The following ASIC2 variants were observed in gnomAD, a reference collection of about 807,000 sequenced individuals.
ASIC2 encodes acid-sensing ion channel 2.
A neutral mutation model predicts 57.3 loss-of-function variants in ASIC2; 25 were observed. The ratio of observed to expected loss-of-function variants is 0.44; its 90% CI spans 0.32 to 0.61. The LOEUF is 0.61. Ranked by LOEUF, ASIC2 falls within the 20% of genes least tolerant of loss-of-function variation. The probability of loss-of-function intolerance (pLI) is 0.06; values close to 1 mark genes in which losing one functional copy is unlikely to be tolerated. For missense variants in ASIC2, 641 were observed against 738.1 expected, an observed-to-expected ratio of 0.87 and a Z score of 1.52; for synonymous variants, 319 against 307.5, an observed-to-expected ratio of 1.04 and a Z score of -0.39.
At chr17:33,713,997 T>G (rs1909133167) in intron 1 of ASIC2, among the ~76,000 whole-genome samples, 1 of 152,092 alleles carries the variant, frequency 6.6e-6, no homozygotes, top group Non-Finnish European at 1.5e-5. Context: ...AGATTGTGTC[T>G]CACTAAAGTA....
intron 1 of ASIC2, among the ~76,000 whole-genome samples, chr17:33,953,022 A>G (rs755102144): frequency 2.8e-4 from 43 of 152,236 alleles, no homozygotes; most frequent in Non-Finnish European, 1.2e-4. Flanking sequence ...TGACTATCAT[A>G]TATTATTTTA....
intron 1 of ASIC2, among the ~76,000 whole-genome samples, chr17:33,602,936 G>T (rs931248683): frequency 1.3e-5 from 2 of 152,112 alleles, no homozygotes; most frequent in Non-Finnish European, 2.9e-5. Flanking sequence ...TAGAATCCTC[G>T]CAGGGGCTCT....
intron 1 of ASIC2, among the ~76,000 whole-genome samples, chr17:33,919,233 T>C (rs1358998478): frequency 6.6e-6 from 1 of 152,156 alleles, no homozygotes; most frequent in African/African-American, 2.4e-5. Flanking sequence ...GGTGTCTGCC[T>C]GGCCTATGAT....
chr17:33,107,029 T>G (rs1398482470), intron 2 of ASIC2, among the ~76,000 whole-genome samples: 2 of 152,228 alleles, frequency 1.3e-5, no homozygotes, highest in Non-Finnish European at 2.9e-5. Flanking sequence ...CCTTGGATTC[T>G]GAGAACAATA....
At chr17:33,059,379 A>G (rs1213254886) in intron 3 of ASIC2, among the ~76,000 whole-genome samples, 1 of 152,052 alleles carries the variant, frequency 6.6e-6, no homozygotes, top group Non-Finnish European at 1.5e-5. Flanking sequence ...TCATTATTCA[A>G]TTCCCACCTA....
chr17:33,398,850 C>G (rs569910411), intron 1 of ASIC2, among the ~76,000 whole-genome samples: 1 of 152,152 alleles, frequency 6.6e-6, no homozygotes, highest in African/African-American at 2.4e-5. Context: ...CAACTCAAGT[C>G]TTATTGTCCA....
intron 3 of ASIC2, among the ~76,000 whole-genome samples, chr17:33,044,105 G>A (rs1354687780): frequency 2.0e-5 from 3 of 152,102 alleles, no homozygotes; most frequent in Admixed American, 6.6e-5. Flanking sequence ...ATTCTAACAC[G>A]ACTTTTATCT....
In ASIC2 at chr17:33,827,337, C is replaced by CTT. The variant is rs375695905; in HGVS notation, c.555+328639_555+328640dup. Among the ~76,000 whole-genome samples, 10 of 76,534 alleles carry CTT rather than the reference C, an allele frequency of 1.3e-4. 1 individual carries two copies. Among genetic ancestry groups the CTT allele is most frequent in the African/African-American group, 4.5e-4 (9 of 20,122 alleles). 50.2% of individuals were successfully genotyped at this position (76,534 alleles called of 152,430 possible). The stretch of plus-strand genomic sequence containing the variant: ...GGACTAGGTCCTGTTGCAGCTCACT[C>CTT]TTTTTTTTTTTTGAGACAGAGTCTT... On this transcript the variant is annotated intron_variant, in intron 1 of 9. Transcript: ENST00000359872.
chr17:33,352,448 G>T (rs1908223550), intron 1 of ASIC2, among the ~76,000 whole-genome samples: 1 of 152,194 alleles, frequency 6.6e-6, no homozygotes, highest in Admixed American at 6.5e-5. Flanking sequence ...TCTTACTAAT[G>T]ATGAGGCCTG....
intron 1 of ASIC2, among the ~76,000 whole-genome samples, chr17:33,816,170 A>AGG (rs35521850): frequency 1.4e-3 from 174 of 120,088 alleles, no homozygotes; most frequent in Middle Eastern, 8.2e-3. Context: ...CACCAACTGA[A>AGG]GGGGGGGCGG....
chr17:33,137,288 C>T (rs574229384), intron 1 of ASIC2, among the ~76,000 whole-genome samples: 4 of 152,328 alleles, frequency 2.6e-5, no homozygotes, highest in South Asian at 2.1e-4. Flanking sequence ...TTATTTCTTA[C>T]AGAACTTATC....
At chr17:33,957,562 C>T (rs1162582969) in intron 1 of ASIC2, among the ~76,000 whole-genome samples, 2 of 152,062 alleles carry the variant, frequency 1.3e-5, no homozygotes, top group Non-Finnish European at 2.9e-5. Flanking sequence ...GGAACTGCCC[C>T]TTATAAAACC....
intron 1 of ASIC2, chr17:33,980,925 TC>T (rs1288978486): frequency 6.8e-6 from 1 of 146,762 alleles, no homozygotes; most frequent in Admixed American, 7.0e-5. Flanking sequence ...TTTCTCCCCA[TC>T]CCTTCCTCAA....
chr17:33,246,229 G>T (rs1338940611), intron 1 of ASIC2, among the ~76,000 whole-genome samples: 1 of 152,038 alleles, frequency 6.6e-6, no homozygotes, highest in Non-Finnish European at 1.5e-5. Context: ...ATGTGGTGGT[G>T]GGGGGAAGGG....
chr17:34,155,790 A>C (rs1012296348), intron 1 of ASIC2: 2 of 639,750 alleles, frequency 3.1e-6, no homozygotes, highest in Admixed American at 3.0e-5. Flanking sequence ...GCAGTGCTCT[A>C]TCCTGGCCGG....
At chr17:34,023,655 C>T (rs529514446) in intron 1 of ASIC2, among the ~76,000 whole-genome samples, 4 of 152,168 alleles carry the variant, frequency 2.6e-5, no homozygotes, top group African/African-American at 7.2e-5. Flanking sequence ...TGAGGACCTC[C>T]GGAGGTGCAG....
At chr17:33,506,238 C>CA (rs533194191) in intron 1 of ASIC2, among the ~76,000 whole-genome samples, 216 of 114,106 alleles carry the variant, frequency 1.9e-3, no homozygotes, top group East Asian at 0.017. Flanking sequence ...ACTAAAAATA[C>CA]AAAAAAAAAA....
intron 1 of ASIC2, among the ~76,000 whole-genome samples, chr17:33,578,730 G>A (rs758109522): frequency 6.6e-6 from 1 of 152,118 alleles, no homozygotes; most frequent in Non-Finnish European, 1.5e-5. Context: ...TTGACAGAGG[G>A]GGCACTAATG....
intron 1 of ASIC2, among the ~76,000 whole-genome samples, chr17:33,383,928 G>A (rs1909578690): frequency 6.6e-6 from 1 of 152,184 alleles, no homozygotes; most frequent in Non-Finnish European, 1.5e-5. Flanking sequence ...AGCATCAAAG[G>A]CTTGTTTACT....
Sources: allele counts gnomAD v4.1 joint callset (sites outside exome capture counted in the v4.1 genomes callset), GRCh38; gene constraint gnomAD v4.1.1; transcripts MANE v1.5; gene names NCBI Gene and HGNC (gene_info 2026-07-23, HGNC 2026-07-21).